The following TBCD variants were observed in gnomAD, a reference collection of about 807,000 sequenced individuals.
TBCD encodes the protein tubulin folding cofactor D.
TBCD carries 105 observed loss-of-function variants against 169.3 expected under a neutral mutation model. The ratio of observed to expected loss-of-function variants is 0.62; its 90% CI spans 0.53 to 0.73. The LOEUF is 0.73. Ranked by LOEUF, TBCD falls within the 30% of genes least tolerant of loss-of-function variation. TBCD has a pLI of 0.00. For missense variants in TBCD, 1,444 were observed against 1,600.1 expected (o/e 0.90, Z 1.66); for synonymous variants, 700 against 643.9 (o/e 1.09, Z -1.32).
chr17:82,764,466 G>A (rs912406935), intron 3 of TBCD, among the ~76,000 whole-genome samples: 1 of 152,254 alleles, frequency 6.6e-6, no homozygotes, highest in Middle Eastern at 3.4e-3. Flanking sequence ...CCAACATGGT[G>A]AAACCCCGTC....
intron 28 of TBCD, 27 bp from the exon 29 acceptor site, chr17:82,927,159 T>A: frequency 1.9e-6 from 3 of 1,613,728 alleles, no homozygotes; most frequent in South Asian, 1.1e-5. Context: ...GATGTTTGTT[T>A]GTTAGCTCAC....
intron 19 of TBCD, among the ~76,000 whole-genome samples, chr17:82,905,156 G>A (rs1568004227): frequency 6.6e-6 from 1 of 152,156 alleles, no homozygotes; most frequent in African/African-American, 2.4e-5. Flanking sequence ...ACCCCTGGGG[G>A]CAGCCCTGCC....
chr17:82,836,350 A>G (rs2053973058), intron 13 of TBCD, among the ~76,000 whole-genome samples: 1 of 152,242 alleles, frequency 6.6e-6, no homozygotes, highest in African/African-American at 2.4e-5. Flanking sequence ...GTGTTACGGC[A>G]GGGATCTGAA....
chr17:82,762,079 G>A (rs1218645706), intron 2 of TBCD, among the ~76,000 whole-genome samples: 1 of 151,494 alleles, frequency 6.6e-6, no homozygotes, highest in Admixed American at 6.6e-5. Flanking sequence ...CTTTTTGGGA[G>A]GCTGAGGTGG....
rs577104515 is a variant in TBCD, at chr17:82,903,035, A to G, written c.1731-370A>G. ...CCAGATTTGGTGGGTGAGCCTCAGG[A>G]AATTCCTTCTGTTCACCCCTTGTAA... On this transcript the variant is annotated intron_variant, in intron 18 of 38. Coordinates refer to ENST00000355528, the MANE Select transcript of TBCD (RefSeq NM_005993.5). The surrounding 1 kb of genome is among the most constrained non-coding windows in gnomAD (Gnocchi z 4.8). Among the ~76,000 whole-genome samples the G allele has an allele frequency of 6.6e-6, 1 of 152,224 alleles. No homozygotes were observed. Among genetic ancestry groups the G allele is most frequent in the African/African-American group, 2.4e-5 (1 of 41,532 alleles).
rs983863033 is a variant in TBCD at position 82,806,667 on chromosome 17, G to A, written c.1087+656G>A. On this transcript the variant is annotated intron_variant, in intron 10 of 38. Transcript: ENST00000355528. The surrounding 1 kb of genome is among the most constrained non-coding windows in gnomAD (Gnocchi z 5.1). The stretch of plus-strand genomic sequence containing the variant: ...CTTCCTGATGGGCAGGCGGGGCCAC[G>A]CTGCCTGTGCTGTGCTGCACTCTGC... Among the ~76,000 whole-genome samples the A allele has an allele frequency of 6.6e-6, 1 of 152,000 alleles. No individual in the cohort carries two copies. The highest frequency in any genetic ancestry group is 1.5e-5 in the Non-Finnish European group (1 of 67,986).
rs991364072 is a variant in TBCD, at chr17:82,806,207, C to T, written c.1087+196C>T. On this transcript the variant is annotated intron_variant, in intron 10 of 38. Transcript: ENST00000355528. The surrounding 1 kb of genome is among the most constrained non-coding windows in gnomAD (Gnocchi z 5.1). ...TGTCCCTGACCATGGACAGTCTCTT[C>T]CTGTGTGCCGTAGAAGCCCTTTTTC... Among the ~76,000 whole-genome samples, 1 of 152,146 alleles carries T rather than the reference C, an allele frequency of 6.6e-6. No individual in the cohort carries two copies. The highest frequency in any genetic ancestry group is 2.4e-5 in the African/African-American group (1 of 41,432).
At chr17:82,787,634 G>C (rs377362258) in intron 7 of TBCD, among the ~76,000 whole-genome samples, 1 of 152,238 alleles carries the variant, frequency 6.6e-6, no homozygotes, top group Admixed American at 6.5e-5. Context: ...ATTCTGCTTA[G>C]GGTTTCATCT....
intron 34 of TBCD, 107 bp downstream of exon 34, chr17:82,932,842 C>G: frequency 8.8e-7 from 1 of 1,129,966 alleles, no homozygotes; most frequent in Non-Finnish European, 1.3e-6. Context: ...AAATGATCTT[C>G]CAGTGCGTTC....
chr17:82,896,205 A>T (rs1051058494), intron 17 of TBCD, among the ~76,000 whole-genome samples: 1 of 151,888 alleles, frequency 6.6e-6, no homozygotes, highest in Non-Finnish European at 1.5e-5. Context: ...CTCCTCACTC[A>T]CACTGGCTTC....
chr17:82,864,887 ACTCCCTGGGGCACCGTGGGGACAGCG>A lies in TBCD; in HGVS notation c.1319-5336_1319-5311del, dbSNP rs1250167405. Among the ~76,000 whole-genome samples the A allele has an allele frequency of 2.9e-3, 63 of 21,748 alleles. No individual in the cohort carries two copies. Among genetic ancestry groups the A allele is most frequent in the Non-Finnish European group, 2.4e-3 (21 of 8,716 alleles). 14.3% of individuals were successfully genotyped at this position (21,748 alleles called of 152,430 possible). On this transcript the variant is annotated intron_variant, in intron 13 of 38. Transcript: ENST00000355528. This position sits in a 1 kb window ranked among gnomAD's most constrained non-coding sequence, Gnocchi z 6.3. ...CCGTGGGGACAGCGGGGGCCTGCTC[ACTCCCTGGGGCACCGTGGGGACAGCG>A]GGGGCCTGCTTGTGTTGGGGGTGGG...
chr17:82,923,734 G>A lies in TBCD; in HGVS notation c.2260+1G>A. On this transcript the variant is annotated splice_donor_variant, in intron 26 of 38. Coordinates refer to ENST00000355528, the MANE Select transcript of TBCD (RefSeq NM_005993.5). LOFTEE classifies it high-confidence loss of function. This position sits in a 1 kb window ranked among gnomAD's most constrained non-coding sequence, Gnocchi z 4.6. ...GGGGAGGCAGATCCCGCAATTCAGG[G>A]TGAGTGGGGAGCCCTTTTCTTGAAG... 1 of 1,595,568 alleles carries A rather than the reference G, an allele frequency of 6.3e-7. No homozygotes were observed. Among genetic ancestry groups the A allele is most frequent in the South Asian group, 1.1e-5 (1 of 87,884 alleles).
At chr17:82,893,346 T>A (rs775318002) in intron 16 of TBCD, 9 of 565,788 alleles carry the variant, frequency 1.6e-5, no homozygotes, top group Admixed American at 3.6e-5. Flanking sequence ...TAGCGTGGTG[T>A]TGCCTGGGTA....
intron 13 of TBCD, among the ~76,000 whole-genome samples, chr17:82,841,792 G>A (rs777051471): frequency 2.0e-5 from 3 of 152,216 alleles, no homozygotes; most frequent in Non-Finnish European, 4.4e-5. Context: ...AGGTGGCTCC[G>A]TGGGAGAAAG....
rs75362234 is a variant in TBCD at position 82,833,181 on chromosome 17, C to T, written c.1318+18247C>T. ...AACATGTACCCACAGTCACAGAGTG[C>T]CCCTCACTTTTACACAGAGCGTGGG... On this transcript the variant is annotated intron_variant, in intron 13 of 38. Coordinates refer to ENST00000355528, the MANE Select transcript of TBCD (RefSeq NM_005993.5). The surrounding 1 kb of genome is among the most constrained non-coding windows in gnomAD (Gnocchi z 4.7). Among the ~76,000 whole-genome samples, 176 of 152,194 alleles carry T rather than the reference C, an allele frequency of 1.2e-3. No individual in the cohort carries two copies. Among genetic ancestry groups the T allele is most frequent in the African/African-American group, 4.2e-3 (173 of 41,524 alleles).
Position 82,803,290 on chromosome 17 carries a change from A to G in TBCD, c.950+2294A>G, listed in dbSNP as rs533682265. On this transcript the variant is annotated intron_variant, in intron 9 of 38. Coordinates refer to ENST00000355528, the MANE Select transcript of TBCD (RefSeq NM_005993.5). ...GCTTTAAGTATGTAGCCTTTCAGGGACTTAGGTGAAAGTCACGGCTTTCTC... is the reference window on the plus strand; with the variant it reads ...GCTTTAAGTATGTAGCCTTTCAGGGGCTTAGGTGAAAGTCACGGCTTTCTC... Among the ~76,000 whole-genome samples, 13 of 152,172 alleles carry G rather than the reference A, an allele frequency of 8.5e-5. No homozygotes were observed. In the East Asian group the frequency reaches 2.1e-3, roughly 25 times the overall value.
At chr17:82,815,021 G>A in intron 13 of TBCD, 87 bp downstream of exon 13, 1 of 1,577,528 alleles carries the variant, frequency 6.3e-7, no homozygotes, top group Non-Finnish European at 8.6e-7. Flanking sequence ...TCGACTCGTG[G>A]ATGGTGAGTA....
At chr17:82,905,014 G>A (rs2060136199) in intron 19 of TBCD, among the ~76,000 whole-genome samples, 1 of 152,198 alleles carries the variant, frequency 6.6e-6, no homozygotes, top group Non-Finnish European at 1.5e-5. Context: ...TCGCAAGCCT[G>A]GCAGCACTTG....
intron 34 of TBCD, among the ~76,000 whole-genome samples, chr17:82,933,292 T>TTTTG (rs2062364473): frequency 2.7e-5 from 4 of 150,218 alleles, no homozygotes; most frequent in Admixed American, 6.6e-5. Context: ...TTTTTTTTTT[T>TTTTG]GAGACAGGGT....
Sources: allele counts gnomAD v4.1 joint callset (sites outside exome capture counted in the v4.1 genomes callset), GRCh38; gene constraint gnomAD v4.1.1; non-coding constraint Gnocchi (gnomAD v3.1); transcripts MANE v1.5; gene names NCBI Gene and HGNC (gene_info 2026-07-23, HGNC 2026-07-21).